RIN3: variants seen among roughly 807,000 people sequenced by gnomAD.
RIN3 encodes the protein Ras and Rab interactor 3, also known as RAB5 interacting protein 3.
In RIN3, 54 loss-of-function variants were observed where a neutral mutation model predicts 76.3. The ratio of observed to expected loss-of-function variants is 0.71; its 90% CI spans 0.57 to 0.89. The LOEUF (loss-of-function observed/expected upper bound fraction) is 0.89. RIN3 is among the 40% of genes least tolerant of loss of function. The probability of loss-of-function intolerance (pLI) is 0.00; values close to 1 mark genes in which losing one functional copy is unlikely to be tolerated. For missense variants in RIN3, 1,256 were observed against 1,322.1 expected, an observed-to-expected ratio of 0.95 and a Z score of 0.78; for synonymous variants, 576 against 564.0, an observed-to-expected ratio of 1.02 and a Z score of -0.30.
At chr14:92,682,740 C>T (rs1888712001) in intron 8 of RIN3, among the ~76,000 whole-genome samples, 1 of 152,236 alleles carries the variant, frequency 6.6e-6, no homozygotes, top group Admixed American at 6.5e-5. Flanking sequence ...TGCCTCTACC[C>T]AAGCTGCAAG....
chr14:92,514,901 C>G lies in RIN3; in HGVS notation c.44+925C>G, dbSNP rs988637512. 1.3e-5 allele frequency among the ~76,000 whole-genome samples: 2 copies of G among 152,192 alleles called. No individual in the cohort carries two copies. The highest frequency in any genetic ancestry group is 6.5e-5 in the Admixed American group (1 of 15,294). ...AGGAGCGCGTCTGGGGAGGCCATTC[C>G]CAGCTTTTTGGTTTAAAAGTCCCGG... On this transcript the variant is annotated intron_variant, in intron 1 of 9. Transcript: ENST00000216487. The surrounding 1 kb of genome is among the most constrained non-coding windows in gnomAD (Gnocchi z 7.2).
chr14:92,527,710 C>T (rs1040237023), intron 1 of RIN3, among the ~76,000 whole-genome samples: 1 of 152,190 alleles, frequency 6.6e-6, no homozygotes, highest in African/African-American at 2.4e-5. Flanking sequence ...TGCTTCGTCC[C>T]TACGTTCTGC....
rs574862797 is a variant in RIN3 at position 92,538,811 on chromosome 14, C to G, written c.45-16940C>G. ...TTTCTGAGTAGGCGATATAGTCACA[C>G]GGTTCAAATTCCAAAGGTACAAAAG... On this transcript the variant is annotated intron_variant, in intron 1 of 9. Coordinates refer to ENST00000216487, the MANE Select transcript of RIN3 (RefSeq NM_024832.5). Among the ~76,000 whole-genome samples the G allele has an allele frequency of 3.0e-4, 45 of 152,214 alleles. 1 individual carries two copies. The South Asian group carries it at 8.9e-3, about 30-fold the overall frequency.
At chr14:92,541,816 A>G (rs1677005202) in intron 1 of RIN3, among the ~76,000 whole-genome samples, 1 of 152,260 alleles carries the variant, frequency 6.6e-6, no homozygotes, top group African/African-American at 2.4e-5. Context: ...TTATGTTTCA[A>G]AGGACACCCT....
In RIN3 at chr14:92,516,614, C is replaced by T. The variant is rs539727887; in HGVS notation, c.44+2638C>T. On this transcript the variant is annotated intron_variant, in intron 1 of 9. Transcript: ENST00000216487. ...CACCTCACCATCTCAAGTCTGCTCT[C>T]CTGCCCCCCCACCCCGAGAAGCCCC... Among the ~76,000 whole-genome samples the T allele has an allele frequency of 5.3e-5, 8 of 152,296 alleles. No individual in the cohort carries two copies. In the East Asian group the frequency reaches 1.5e-3, roughly 29 times the overall value.
At chr14:92,527,377 C>T (rs568509398) in intron 1 of RIN3, among the ~76,000 whole-genome samples, 3 of 152,162 alleles carry the variant, frequency 2.0e-5, no homozygotes, top group East Asian at 3.9e-4. Context: ...ATAAGGACAT[C>T]AGTCGCTTTG....
At chr14:92,631,296 GC>G (rs1204081442) in intron 4 of RIN3, among the ~76,000 whole-genome samples, 1 of 152,190 alleles carries the variant, frequency 6.6e-6, no homozygotes, top group Non-Finnish European at 1.5e-5. Flanking sequence ...AGAGGGCCAA[GC>G]TGCACAGTGA....
chr14:92,582,048 G>A (rs1488168709), intron 3 of RIN3, among the ~76,000 whole-genome samples: 1 of 152,162 alleles, frequency 6.6e-6, no homozygotes, highest in Non-Finnish European at 1.5e-5. Context: ...GATATCAAGG[G>A]GGAGGTGTTT....
chr14:92,633,500 A>T (rs1202559446), intron 4 of RIN3, among the ~76,000 whole-genome samples: 2 of 152,204 alleles, frequency 1.3e-5, no homozygotes, highest in Non-Finnish European at 2.9e-5. Context: ...AAATCTCGTC[A>T]CTGTGCCTGG....
intron 6 of RIN3, among the ~76,000 whole-genome samples, chr14:92,657,009 A>G (rs1039408579): frequency 5.3e-5 from 8 of 152,000 alleles, no homozygotes; most frequent in Admixed American, 2.0e-4. Flanking sequence ...TCTCCCTTCC[A>G]AGCTCTGCCC....
In RIN3 at chr14:92,648,613, C is replaced by T. The variant is rs1039442568; in HGVS notation, c.533-2969C>T. ...GCTAAGCTAATCCACTCATGGGTGCCAAGGGGCTGACACTGGGCCCCTGCT... is the reference window on the plus strand; with the variant it reads ...GCTAAGCTAATCCACTCATGGGTGCTAAGGGGCTGACACTGGGCCCCTGCT... On this transcript the variant is annotated intron_variant, in intron 5 of 9. Coordinates refer to ENST00000216487, the MANE Select transcript of RIN3 (RefSeq NM_024832.5). The surrounding 1 kb of genome is among the most constrained non-coding windows in gnomAD (Gnocchi z 4.1). Among the ~76,000 whole-genome samples, 3 of 152,170 alleles carry T rather than the reference C, an allele frequency of 2.0e-5. No homozygotes were observed. The highest frequency in any genetic ancestry group is 7.2e-5 in the African/African-American group (3 of 41,476).
chr14:92,523,245 G>T (rs1595386818), intron 1 of RIN3, among the ~76,000 whole-genome samples: 1 of 152,068 alleles, frequency 6.6e-6, no homozygotes, highest in African/African-American at 2.4e-5. Context: ...CGAGTAGCTG[G>T]GATTACAGGT....
At chr14:92,630,652 C>T (rs1255334995) in intron 4 of RIN3, among the ~76,000 whole-genome samples, 1 of 152,220 alleles carries the variant, frequency 6.6e-6, no homozygotes, top group Non-Finnish European at 1.5e-5. Context: ...AACCTTTCCT[C>T]CATGTTCCAG....
intron 2 of RIN3, chr14:92,576,476 C>T: frequency 5.1e-6 from 6 of 1,176,802 alleles, no homozygotes; most frequent in Non-Finnish European, 6.8e-6. Flanking sequence ...AGCAAGTCTT[C>T]CTGCTCAGGA....
At chr14:92,654,743 G>A (rs758257093) in intron 6 of RIN3, among the ~76,000 whole-genome samples, 6 of 152,206 alleles carry the variant, frequency 3.9e-5, no homozygotes, top group Non-Finnish European at 5.9e-5. Context: ...GCAGAGAGTC[G>A]ACAAAGAGTT....
At chr14:92,595,763 A>G (rs1885128954) in intron 3 of RIN3, among the ~76,000 whole-genome samples, 1 of 152,186 alleles carries the variant, frequency 6.6e-6, no homozygotes, top group Non-Finnish European at 1.5e-5. Flanking sequence ...ATAAAGCCCC[A>G]CACAGACAGA....
At chr14:92,557,058 ATCTGCCTCCGAAGTCACGTTG>A (rs1897607150) in intron 2 of RIN3, among the ~76,000 whole-genome samples, 1 of 152,138 alleles carries the variant, frequency 6.6e-6, no homozygotes, top group African/African-American at 2.4e-5. Flanking sequence ...GTAACCACCA[ATCTGCCTCCGAAGTCACGTTG>A]CATGCGGTAC....
In RIN3 at chr14:92,652,545, G is replaced by C. The variant is rs761278603; in HGVS notation, c.1496G>C (p.Arg499Thr). The C allele has an allele frequency of 1.2e-6, 2 of 1,613,514 alleles. No individual in the cohort carries two copies. The highest frequency in any genetic ancestry group is 1.7e-6 in the Non-Finnish European group (2 of 1,179,920). The change falls in exon 6 of 10, where the codon AGA becomes ACA. Residue 499 changes from arginine (R) to threonine (T), a missense_variant. Arg to Thr is a moderately conservative substitution (Grantham distance 71). Around this residue, in one of 3 missense-constraint regions of RIN3, gnomAD observed 428 missense variants for 521.2 expected, o/e 0.82. Coordinates refer to ENST00000216487, the MANE Select transcript of RIN3 (RefSeq NM_024832.5). The surrounding 1 kb of genome is among the most constrained non-coding windows in gnomAD (Gnocchi z 6.4). Reference sequence around the variant, plus strand: ...GAGACACCCACGCCGGGTCCACCCAGAGAGGGCCAAAGCCCTGCTTCTCAG... The same window carrying C: ...GAGACACCCACGCCGGGTCCACCCACAGAGGGCCAAAGCCCTGCTTCTCAG... Reference protein sequence around the residue: ...ALETPTPGPPREGQSPASQAG... With the variant: ...ALETPTPGPPTEGQSPASQAG...
rs371565687 is a variant in RIN3 at position 92,543,569 on chromosome 14, T to A, written c.45-12182T>A. On this transcript the variant is annotated intron_variant, in intron 1 of 9. Transcript: ENST00000216487. Reference sequence around the variant, plus strand: ...TGACCTCAGCAATGGTGGGAGCATTTACACCCCACACCCTGGAAACTGGCA... The same window carrying A: ...TGACCTCAGCAATGGTGGGAGCATTAACACCCCACACCCTGGAAACTGGCA... Among the ~76,000 whole-genome samples, 472 of 151,728 alleles carry A rather than the reference T, an allele frequency of 3.1e-3. 5 individuals are homozygous for A. The highest frequency in any genetic ancestry group is 5.0e-3 in the Non-Finnish European group (343 of 67,956).
Sources: gnomAD v4.1 joint callset for allele counts (sites outside exome capture counted in the v4.1 genomes callset) on GRCh38, gnomAD v4.1.1 for gene constraint, gnomAD v4.1.1 regional missense constraint, Gnocchi (gnomAD v3.1) non-coding constraint, MANE v1.5 for transcripts, NCBI Gene and HGNC (gene_info 2026-07-23, HGNC 2026-07-21) for gene names.